Variants in ARID1B observed in about 807,000 individuals in gnomAD.
ARID1B encodes the protein AT-rich interactive domain-containing protein 1B.
A neutral mutation model predicts 212.3 loss-of-function variants in ARID1B; 30 were observed. The observed-to-expected ratio is 0.14, with a 90% CI of 0.11 to 0.19. The LOEUF is 0.19. ARID1B is among the 10% of genes least tolerant of loss of function. The pLI is 1.00. For synonymous variants in ARID1B, 1,402 were observed against 1,301.7 expected, an observed-to-expected ratio of 1.08 and a Z score of -1.66; for missense variants, 2,891 against 3,204.0, an observed-to-expected ratio of 0.90 and a Z score of 2.36.
At chr6:157,083,795 A>G (rs909045451) in intron 4 of ARID1B, among the ~76,000 whole-genome samples, 1 of 152,230 alleles carries the variant, frequency 6.6e-6, no homozygotes, top group African/African-American at 2.4e-5. Flanking sequence ...ACAATATCAT[A>G]TATAAATACA....
chr6:156,940,966 G>A (rs958886975), intron 4 of ARID1B: 2 of 152,130 alleles, frequency 1.3e-5, no homozygotes, highest in African/African-American at 4.8e-5. Context: ...GAAGTATTTT[G>A]AAACCTTTTT....
At chr6:157,001,239 C>G (rs1195482531) in intron 4 of ARID1B, among the ~76,000 whole-genome samples, 3 of 152,176 alleles carry the variant, frequency 2.0e-5, no homozygotes, top group Admixed American at 1.3e-4. Flanking sequence ...CCACAGCACC[C>G]AGATTGAAAT....
At chr6:157,000,586 T>C (rs1778848160) in intron 4 of ARID1B, among the ~76,000 whole-genome samples, 1 of 152,332 alleles carries the variant, frequency 6.6e-6, no homozygotes, top group African/African-American at 2.4e-5. Context: ...TATATGGATG[T>C]GGAACAATGT....
chr6:157,208,782 T>TG lies in ARID1B; in HGVS notation c.*893dup, dbSNP rs1216563700. 1 of 222,052 alleles carries TG rather than the reference T, an allele frequency of 4.5e-6. No individual in the cohort carries two copies. The highest frequency in any genetic ancestry group is 2.3e-5 in the African/African-American group (1 of 44,062). 13.8% of individuals were successfully genotyped at this position (222,052 alleles called of 1,614,324 possible). On this transcript the variant is annotated 3_prime_UTR_variant, in exon 20 of 20. Coordinates refer to ENST00000636930, the MANE Select transcript of ARID1B (RefSeq NM_001374828.1). Reference sequence around the variant, plus strand: ...TCATGATGTGGTAACTACGAAGTGATGGTAGATTTAAATAATTTTTTATTT... The same window carrying TG: ...TCATGATGTGGTAACTACGAAGTGATGGGTAGATTTAAATAATTTTTTATTT...
At chr6:156,929,986 G>T (rs1791569781) in intron 3 of ARID1B, among the ~76,000 whole-genome samples, 1 of 151,732 alleles carries the variant, frequency 6.6e-6, no homozygotes, top group African/African-American at 2.4e-5. Context: ...TTTTTATGAT[G>T]TAGTTTGACA....
intron 2 of ARID1B, among the ~76,000 whole-genome samples, chr6:156,884,638 C>T (rs149677031): frequency 8.5e-5 from 13 of 152,260 alleles, no homozygotes; most frequent in East Asian, 3.9e-4. Flanking sequence ...AATCATAGTC[C>T]GCTAAGGAGG....
chr6:156,928,844 T>C (rs6935886), intron 3 of ARID1B, among the ~76,000 whole-genome samples: 6,444 of 152,320 alleles, frequency 0.042, 245 homozygotes, highest in African/African-American at 0.093. Context: ...CTGGAATTGA[T>C]GTTTTAGAAG....
intron 2 of ARID1B, among the ~76,000 whole-genome samples, chr6:156,884,543 C>T (rs931266884): frequency 2.6e-5 from 4 of 152,148 alleles, no homozygotes; most frequent in African/African-American, 9.7e-5. Context: ...TGTAGATGGG[C>T]GTTCCATCTG....
At chr6:157,182,603 C>T (rs1421633667) in intron 12 of ARID1B, among the ~76,000 whole-genome samples, 1 of 152,128 alleles carries the variant, frequency 6.6e-6, no homozygotes, top group East Asian at 1.9e-4. Flanking sequence ...CTCAGTGCTG[C>T]GTCTCGGGGG....
chr6:156,871,473 G>T (rs764288550), intron 2 of ARID1B: 137 of 695,294 alleles, frequency 2.0e-4, no homozygotes, highest in Admixed American at 1.3e-4. Flanking sequence ...GAGAAGGCCT[G>T]ATACAGATGG....
At chr6:157,021,372 C>T (rs893047415) in intron 4 of ARID1B, among the ~76,000 whole-genome samples, 2 of 152,216 alleles carry the variant, frequency 1.3e-5, no homozygotes, top group African/African-American at 4.8e-5. Flanking sequence ...AGGCAGCGGG[C>T]GGAATTAACC....
chr6:157,115,172 A>G (rs1251192603), intron 6 of ARID1B, among the ~76,000 whole-genome samples: 1 of 152,206 alleles, frequency 6.6e-6, no homozygotes, highest in Admixed American at 6.5e-5. Context: ...GTCACAGGAC[A>G]TCAGTCACAA....
At chr6:157,205,768 TG>T (rs1008309187) in intron 19 of ARID1B, 2 of 170,454 alleles carry the variant, frequency 1.2e-5, no homozygotes, top group African/African-American at 4.8e-5. Flanking sequence ...AGAGTCACTT[TG>T]GGCAAAAGAG....
chr6:157,174,900 A>G lies in ARID1B; in HGVS notation c.3399A>G (p.Pro1133=). Residue 1133 remains proline (P), a synonymous_variant, in exon 11 of 20, where the codon CCA becomes CCG. Coordinates refer to ENST00000636930, the MANE Select transcript of ARID1B (RefSeq NM_001374828.1). ...AGCCCCCAACCCCAGGCAACCTGCCAGTCCCTTCCCCAATGTCCCCCAGCT... is the reference window on the plus strand; with the variant it reads ...AGCCCCCAACCCCAGGCAACCTGCCGGTCCCTTCCCCAATGTCCCCCAGCT... The part of the protein sequence containing the change: ...ISQPPTPGNL[P]VPSPMSPSSA... 4 of 1,552,786 alleles carry G rather than the reference A, an allele frequency of 2.6e-6. No individual in the cohort carries two copies. The highest frequency in any genetic ancestry group is 3.5e-6 in the Non-Finnish European group (4 of 1,149,052).
At chr6:157,060,339 G>GATTA (rs527254043) in intron 4 of ARID1B, among the ~76,000 whole-genome samples, 5 of 152,104 alleles carry the variant, frequency 3.3e-5, no homozygotes, top group African/African-American at 1.2e-4. Flanking sequence ...AACTTTTTAA[G>GATTA]ATTAATTATC....
intron 9 of ARID1B, chr6:157,168,176 AGCC>A (rs1448289315): frequency 2.0e-5 from 3 of 152,250 alleles, no homozygotes; most frequent in Non-Finnish European, 4.4e-5. Flanking sequence ...CCGGCGGAAC[AGCC>A]AGTGAGAGGC....
At position 156,778,841 on chromosome 6, in the gene ARID1B, C is replaced by T. The variant is rs1392900417; in HGVS notation, c.1161C>T (p.Pro387=). The change falls in exon 1 of 20, where the codon CCC becomes CCT. Residue 387 remains proline, a synonymous_variant. Transcript: ENST00000636930. The stretch of plus-strand genomic sequence containing the variant: ...ACCATTATCCGGGCTACAGCCGGCC[C>T]GGCGCGGGCGGCGGCGGCGGCGGCG... ...QCNHYPGYSR[P]GAGGGGGGGG... is the part of the protein sequence containing the mutation. 7 of 1,415,472 alleles carry T rather than the reference C, an allele frequency of 4.9e-6. No individual in the cohort carries two copies. Among genetic ancestry groups the T allele is most frequent in the Admixed American group, 3.0e-5 (1 of 33,096 alleles). The allele number at this position is 1,415,472 out of a possible 1,614,324, so 87.7% of individuals were successfully genotyped here.
At chr6:156,917,549 C>G (rs1283742915) in intron 3 of ARID1B, among the ~76,000 whole-genome samples, 1 of 152,124 alleles carries the variant, frequency 6.6e-6, no homozygotes, top group Non-Finnish European at 1.5e-5. Flanking sequence ...GAAGACTTTG[C>G]TGGTGAGAGA....
intron 4 of ARID1B, chr6:156,935,855 T>C (rs952851824): frequency 2.9e-6 from 1 of 347,220 alleles, no homozygotes. Context: ...ATTGCTGTTG[T>C]ACAGTTGAGC....
Sources: allele counts gnomAD v4.1 joint callset (sites outside exome capture counted in the v4.1 genomes callset), GRCh38; gene constraint gnomAD v4.1.1; transcripts MANE v1.5; gene names NCBI Gene and HGNC (gene_info 2026-07-23, HGNC 2026-07-21).